Variants in SAMMSON observed in about 807,000 individuals in gnomAD.
SAMMSON encodes the protein survival associated mitochondrial melanoma specific oncogenic non-coding RNA.
intron 9 of SAMMSON, among the ~76,000 whole-genome samples, chr3:70,358,841 T>A (rs1441690190): frequency 1.3e-5 from 2 of 152,186 alleles, no homozygotes; most frequent in Non-Finnish European, 2.9e-5. Context: ...ATCCATATAA[T>A]GTAAAAGAAG....
At chr3:70,080,061 T>C (rs1576116699) in intron 4 of SAMMSON, among the ~76,000 whole-genome samples, 1 of 152,354 alleles carries the variant, frequency 6.6e-6, no homozygotes, top group East Asian at 1.9e-4. Context: ...TGATTGGCTT[T>C]TTCACCTTCT....
chr3:70,133,696 G>A (rs937300932), intron 4 of SAMMSON, among the ~76,000 whole-genome samples: 28 of 152,064 alleles, frequency 1.8e-4, no homozygotes, highest in African/African-American at 6.8e-4. Context: ...ATTAACCTAA[G>A]TTGTAGGGCA....
At chr3:70,012,550 A>G (rs2066962375) in exon 2 of SAMMSON, 2 of 152,202 alleles carry the variant, frequency 1.3e-5, no homozygotes, top group Admixed American at 1.3e-4. Context: ...CTCCAGAAGG[A>G]ACACAGCCCT....
intron 4 of SAMMSON, among the ~76,000 whole-genome samples, chr3:70,108,950 AC>A (rs1240739778): frequency 6.6e-6 from 1 of 152,116 alleles, no homozygotes; most frequent in Non-Finnish European, 1.5e-5. Flanking sequence ...TCTGTGGCCA[AC>A]TGGATGGCTA....
chr3:70,290,394 A>C (rs1702223280), intron 6 of SAMMSON, among the ~76,000 whole-genome samples: 1 of 152,320 alleles, frequency 6.6e-6, no homozygotes, highest in South Asian at 2.1e-4. Flanking sequence ...TCAGGGACCC[A>C]CTTGAGGAGG....
At chr3:70,305,251 A>G (rs945442520) in intron 7 of SAMMSON, among the ~76,000 whole-genome samples, 4 of 152,182 alleles carry the variant, frequency 2.6e-5, no homozygotes, top group African/African-American at 9.7e-5. Flanking sequence ...GCTTAAAAAC[A>G]AAACTACTTT....
chr3:70,396,615 T>C (rs1213273530), intron 2 of SAMMSON, among the ~76,000 whole-genome samples: 3 of 152,202 alleles, frequency 2.0e-5, no homozygotes, highest in Non-Finnish European at 4.4e-5. Flanking sequence ...AATTAAGGTT[T>C]CATGTGGGCA....
chr3:70,310,318 CT>C (rs1702442678), intron 7 of SAMMSON, among the ~76,000 whole-genome samples: 1 of 151,666 alleles, frequency 6.6e-6, no homozygotes, highest in Non-Finnish European at 1.5e-5. Context: ...AAATAATCAT[CT>C]TTTTTCTTTT....
At position 70,387,620 on chromosome 3, in the gene SAMMSON, A is replaced by T. The variant is rs1409942816; in HGVS notation, n.914-1954A>T. Among the ~76,000 whole-genome samples the T allele has an allele frequency of 2.0e-5, 3 of 152,058 alleles. No homozygotes were observed. In the East Asian group the frequency reaches 5.8e-4, roughly 29 times the overall value. On this transcript the variant is annotated intron_variant and non_coding_transcript_variant, in intron 9 of 9. Transcript: ENST00000642114. The stretch of plus-strand genomic sequence containing the variant: ...TATGATTATACCATACTTGGGGAAA[A>T]TGCTGTTGAATTTGAGTTAAGATAT...
chr3:70,125,566 A>T, intron 4 of SAMMSON: 1 of 697,558 alleles, frequency 1.4e-6, no homozygotes, highest in South Asian at 1.5e-5. Flanking sequence ...CTTCAGTAAC[A>T]GGTAGATCAT....
intron 6 of SAMMSON, among the ~76,000 whole-genome samples, chr3:70,255,879 G>C (rs1701810666): frequency 6.6e-6 from 1 of 152,144 alleles, no homozygotes; most frequent in African/African-American, 2.4e-5. Context: ...TTCTTGTTTA[G>C]GTGCAAACTG....
At chr3:70,369,557 A>T (rs1702949014) in intron 9 of SAMMSON, among the ~76,000 whole-genome samples, 1 of 150,674 alleles carries the variant, frequency 6.6e-6, no homozygotes, top group Non-Finnish European at 1.5e-5. Context: ...CTAGGACTTC[A>T]TCTATGATGT....
intron 4 of SAMMSON, among the ~76,000 whole-genome samples, chr3:70,144,996 C>T (rs2067542097): frequency 2.0e-5 from 3 of 152,122 alleles, no homozygotes; most frequent in African/African-American, 7.2e-5. Flanking sequence ...CTGTTGCCCA[C>T]CAACTAATTC....
chr3:70,292,599 T>G (rs1158186505), intron 7 of SAMMSON, among the ~76,000 whole-genome samples: 1 of 152,136 alleles, frequency 6.6e-6, no homozygotes, highest in African/African-American at 2.4e-5. Context: ...TTTTTATCTA[T>G]CTTGCTTTTG....
At chr3:70,146,932 A>C (rs185698612) in intron 4 of SAMMSON, among the ~76,000 whole-genome samples, 2 of 152,178 alleles carry the variant, frequency 1.3e-5, no homozygotes, top group African/African-American at 4.8e-5. Context: ...GAAAATCCCA[A>C]GGAATATTTA....
intron 4 of SAMMSON, among the ~76,000 whole-genome samples, chr3:70,167,110 T>A (rs557890751): frequency 6.6e-6 from 1 of 152,174 alleles, no homozygotes; most frequent in Non-Finnish European, 1.5e-5. Flanking sequence ...TTTCCTCATA[T>A]AATCAGTATA....
intron 8 of SAMMSON, among the ~76,000 whole-genome samples, chr3:70,357,270 C>T (rs1702836565): frequency 6.6e-6 from 1 of 152,040 alleles, no homozygotes; most frequent in South Asian, 2.1e-4. Flanking sequence ...TCAATGAGTG[C>T]TAATGTGTTT....
chr3:70,382,387 A>G (rs1180988571), intron 9 of SAMMSON, among the ~76,000 whole-genome samples: 1 of 152,134 alleles, frequency 6.6e-6, no homozygotes, highest in Non-Finnish European at 1.5e-5. Context: ...CTCAGGTTAC[A>G]TCAGTGGTTC....
At chr3:70,279,495 C>T (rs1702059984) in intron 6 of SAMMSON, among the ~76,000 whole-genome samples, 4 of 152,134 alleles carry the variant, frequency 2.6e-5, no homozygotes, top group Admixed American at 1.3e-4. Context: ...AAATCTTGTG[C>T]ACTTTCTCAG....
Sources: gnomAD v4.1 joint callset for allele counts (sites outside exome capture counted in the v4.1 genomes callset) on GRCh38, gnomAD v4.1.1 for gene constraint, MANE v1.5 for transcripts, NCBI Gene and HGNC (gene_info 2026-07-23, HGNC 2026-07-21) for gene names.